Variants in LRRC7 observed in about 807,000 individuals in gnomAD.
The protein encoded by LRRC7 is leucine rich repeat containing 7.
A neutral mutation model predicts 175.7 loss-of-function variants in LRRC7; 23 were observed. The ratio of observed to expected loss-of-function variants is 0.13; its 90% CI spans 0.09 to 0.19. The LOEUF is 0.19. Among genes scored for constraint, LRRC7 ranks in the 10% least tolerant of loss-of-function variants. The pLI is 1.00. For synonymous variants in LRRC7, 685 were observed against 680.9 expected (o/e 1.01, Z -0.09); for missense variants, 1,354 against 1,904.7 (o/e 0.71, Z 5.38).
chr1:69,877,108 C>T (rs1686111539), intron 7 of LRRC7, among the ~76,000 whole-genome samples: 1 of 152,154 alleles, frequency 6.6e-6, no homozygotes, highest in South Asian at 2.1e-4. Context: ...GAAGGAGTAA[C>T]CATGAGGTAG....
chr1:69,790,997 T>C lies in LRRC7; in HGVS notation c.304-1046T>C, dbSNP rs1437311290. Among the ~76,000 whole-genome samples, 3 of 152,032 alleles carry C rather than the reference T, an allele frequency of 2.0e-5. No individual in the cohort carries two copies. In the East Asian group the frequency reaches 5.8e-4, roughly 29 times the overall value. ...CCATGTGCTACATTGTTTTTGCCTG[T>C]AAATAACGAATTACATGGGAGAACA... On this transcript the variant is annotated intron_variant, in intron 3 of 26. Transcript: ENST00000651989.
intron 1 of LRRC7, among the ~76,000 whole-genome samples, chr1:69,629,316 G>A (rs1652110331): frequency 6.6e-6 from 1 of 152,038 alleles, no homozygotes; most frequent in South Asian, 2.1e-4. Context: ...ATACCACTTT[G>A]GCAACTTTTT....
At chr1:69,660,798 G>A (rs1270870841) in intron 1 of LRRC7, among the ~76,000 whole-genome samples, 1 of 151,964 alleles carries the variant, frequency 6.6e-6, no homozygotes, top group Non-Finnish European at 1.5e-5. Context: ...GTGTGAAATA[G>A]GAAGTCCTTG....
In LRRC7 at chr1:70,142,466, C is replaced by CAGAT. The variant is rs546044366; in HGVS notation, c.*20582_*20585dup. 23 of 152,096 alleles carry CAGAT rather than the reference C, an allele frequency of 1.5e-4. No homozygotes were observed. The highest frequency in any genetic ancestry group is 6.2e-4 in the South Asian group (3 of 4,828). 9.4% of individuals were successfully genotyped at this position (152,096 alleles called of 1,614,324 possible). ...AAGAGAAAGGTAATTGACAGATAAA[C>CAGAT]AGATAGTTTTTGTTTGAAGAGCCAA... On this transcript the variant is annotated 3_prime_UTR_variant, in exon 27 of 27. Coordinates refer to ENST00000651989, the MANE Select transcript of LRRC7 (RefSeq NM_001370785.2).
chr1:69,628,556 T>A (rs1418209306), intron 1 of LRRC7, among the ~76,000 whole-genome samples: 1 of 152,200 alleles, frequency 6.6e-6, no homozygotes, highest in Non-Finnish European at 1.5e-5. Flanking sequence ...TTTCCCAGCC[T>A]GATCCATAGA....
At chr1:69,789,540 A>G (rs1045254175) in intron 3 of LRRC7, among the ~76,000 whole-genome samples, 1 of 152,100 alleles carries the variant, frequency 6.6e-6, no homozygotes, top group African/African-American at 2.4e-5. Context: ...GCCAATTTGT[A>G]TTCTTCATAA....
At chr1:69,880,417 T>C (rs925161677) in intron 7 of LRRC7, among the ~76,000 whole-genome samples, 5 of 152,056 alleles carry the variant, frequency 3.3e-5, no homozygotes, top group African/African-American at 9.7e-5. Context: ...AGAGACTTCT[T>C]TGGGTAGGAG....
At chr1:70,044,348 G>A (rs1322338840) in intron 22 of LRRC7, among the ~76,000 whole-genome samples, 1 of 152,054 alleles carries the variant, frequency 6.6e-6, no homozygotes, top group Non-Finnish European at 1.5e-5. Context: ...GGCTTTTTGT[G>A]TTGCTTCAAG....
In LRRC7 at chr1:70,076,830, T is replaced by C. The variant is rs376545963; in HGVS notation, c.4452+532T>C. 7.2e-5 allele frequency among the ~76,000 whole-genome samples: 11 copies of C among 152,320 alleles called. No individual in the cohort carries two copies. The East Asian group carries it at 2.1e-3, about 29-fold the overall frequency. ...GTTTCTGACATGCTTCAAAAGTTAC[T>C]GATAACTGCCATGTAGCAAAAAGAA... On this transcript the variant is annotated intron_variant, in intron 24 of 26. Coordinates refer to ENST00000651989, the MANE Select transcript of LRRC7 (RefSeq NM_001370785.2).
chr1:69,644,565 C>T (rs1217402871), intron 1 of LRRC7, among the ~76,000 whole-genome samples: 3 of 151,846 alleles, frequency 2.0e-5, no homozygotes, highest in African/African-American at 7.2e-5. Flanking sequence ...TTAGTTCTTG[C>T]TTTTTTAACC....
intron 8 of LRRC7, among the ~76,000 whole-genome samples, chr1:69,951,543 G>A (rs1649930276): frequency 6.6e-6 from 1 of 151,930 alleles, no homozygotes; most frequent in Admixed American, 6.6e-5. Context: ...CAACCTAAAT[G>A]CCCATCCATG....
intron 7 of LRRC7, among the ~76,000 whole-genome samples, chr1:69,851,591 G>A (rs115462629): frequency 3.3e-5 from 5 of 152,164 alleles, no homozygotes; most frequent in African/African-American, 9.6e-5. Context: ...AGATAAAAAC[G>A]TTCTCAACTA....
intron 3 of LRRC7, 140 bp from the exon 4 acceptor site, chr1:69,791,903 G>A (rs74864659): frequency 1.9e-4 from 104 of 540,674 alleles, no homozygotes; most frequent in African/African-American, 1.8e-3. Flanking sequence ...TTGAGAAGAT[G>A]AGTATGGAGG....
chr1:69,660,104 A>G (rs904624319), intron 1 of LRRC7, among the ~76,000 whole-genome samples: 3 of 151,996 alleles, frequency 2.0e-5, no homozygotes, highest in Non-Finnish European at 4.4e-5. Context: ...CTTATTGCCA[A>G]AGTATGGAAA....
At chr1:69,892,476 G>C (rs542588041) in intron 7 of LRRC7, among the ~76,000 whole-genome samples, 32 of 152,216 alleles carry the variant, frequency 2.1e-4, no homozygotes, top group African/African-American at 7.7e-4. Flanking sequence ...ATTTAAATAT[G>C]ATACAATACA....
Position 69,778,409 on chromosome 1 carries a change from T to G in LRRC7, c.304-13634T>G, listed in dbSNP as rs184570057. On this transcript the variant is annotated intron_variant, in intron 3 of 26. Coordinates refer to ENST00000651989, the MANE Select transcript of LRRC7 (RefSeq NM_001370785.2). The stretch of plus-strand genomic sequence containing the variant: ...TTTCCATGGGAACTAGTGCAGTGTT[T>G]AGTCCAAAGCTAGCTTTTCACTAAA... Among the ~76,000 whole-genome samples the G allele has an allele frequency of 2.1e-3, 313 of 152,352 alleles. 1 individual carries two copies. Among genetic ancestry groups the G allele is most frequent in the Non-Finnish European group, 3.6e-3 (247 of 68,034 alleles).
chr1:69,717,937 AAAG>A lies in LRRC7; in HGVS notation c.100+39462_100+39464del, dbSNP rs1557642080. On this transcript the variant is annotated intron_variant, in intron 2 of 26. Transcript: ENST00000651989. ...AAAGAGAGAAAAAAAGAAAAGAAAG[AAAG>A]AAAGAAAGAAAGAAAGAAGAAAAAG... 3.9e-3 allele frequency among the ~76,000 whole-genome samples: 133 copies of A among 34,278 alleles called. 5 individuals carry two copies. The highest frequency in any genetic ancestry group is 0.016 in the African/African-American group (69 of 4,360). 22.5% of individuals were successfully genotyped at this position (34,278 alleles called of 152,430 possible).
intron 13 of LRRC7, among the ~76,000 whole-genome samples, chr1:70,015,866 C>T (rs1431869742): frequency 6.6e-6 from 1 of 152,150 alleles, no homozygotes; most frequent in Non-Finnish European, 1.5e-5. Flanking sequence ...AGTAGTAAAA[C>T]AAGCATTGCC....
chr1:69,845,894 T>A, intron 7 of LRRC7, among the ~76,000 whole-genome samples: 1 of 152,146 alleles, frequency 6.6e-6, no homozygotes, highest in East Asian at 1.9e-4. Flanking sequence ...TTTTACCAAT[T>A]TATATCAATT....
Sources: gnomAD v4.1 joint callset for allele counts (sites outside exome capture counted in the v4.1 genomes callset) on GRCh38, gnomAD v4.1.1 for gene constraint, MANE v1.5 for transcripts, NCBI Gene and HGNC (gene_info 2026-07-23, HGNC 2026-07-21) for gene names.